The following TGS1 variants were observed in gnomAD, a reference collection of about 807,000 sequenced individuals.
TGS1 encodes trimethylguanosine synthase 1, also known as trimethylguanosine synthase.
A neutral mutation model predicts 92.2 loss-of-function variants in TGS1; 69 were observed. The observed-to-expected ratio is 0.75, with a 90% confidence interval of 0.62 to 0.91. The LOEUF is 0.91. Among genes scored for constraint, TGS1 ranks in the 40% least tolerant of loss-of-function variants. TGS1 has a pLI of 0.00. For missense variants in TGS1, 1,062 were observed against 1,001.2 expected (o/e 1.06, Z -0.82); for synonymous variants, 345 against 338.1 (o/e 1.02, Z -0.22).
At chr8:55,797,115 G>C (rs1251133995) in intron 7 of TGS1, among the ~76,000 whole-genome samples, 2 of 152,164 alleles carry the variant, frequency 1.3e-5, no homozygotes, top group African/African-American at 4.8e-5. Flanking sequence ...CCCAAGACTG[G>C]ATAATTTTTG....
In TGS1 at chr8:55,786,410, T is replaced by C; in HGVS notation, c.512T>C (p.Leu171Pro). Residue 171 changes from leucine (L) to proline (P), a missense_variant, in exon 4 of 13, where the codon CTT becomes CCT. By Grantham distance (98) the Leu-to-Pro change is moderately conservative (BLOSUM62 -3). Coordinates refer to ENST00000260129, the MANE Select transcript of TGS1 (RefSeq NM_024831.8). ...EQYENTRTYELQSKKDTETEN... is the reference protein window; with the variant it reads ...EQYENTRTYEPQSKKDTETEN... The stretch of plus-strand genomic sequence containing the variant: ...TATGAGAACACCAGAACATATGAAC[T>C]TCAAAGCAAAAAAGATACTGAGACA... 2 of 1,613,416 alleles carry C rather than the reference T, an allele frequency of 1.2e-6. No individual in the cohort carries two copies. Among genetic ancestry groups the C allele is most frequent in the Non-Finnish European group, 1.7e-6 (2 of 1,179,846 alleles).
chr8:55,806,068 T>A (rs1370388556), intron 10 of TGS1, among the ~76,000 whole-genome samples: 1 of 150,158 alleles, frequency 6.7e-6, no homozygotes, highest in African/African-American at 2.5e-5. Flanking sequence ...CTTAAAAAAA[T>A]TTGTAGGCCG....
chr8:55,786,300 A>T lies in TGS1; in HGVS notation c.402A>T (p.Leu134Phe). Residue 134 changes from leucine (L) to phenylalanine (F), a missense_variant, in exon 4 of 13, where the codon TTA becomes TTT. Coordinates refer to ENST00000260129, the MANE Select transcript of TGS1 (RefSeq NM_024831.8). ...AGAAAAAACATCAAAAGAAATACTT[A>T]GATGAAATTGTGCAAGAATCTTGGA... ...IKKKKHQKKY[L>F]DEIVQESWRK... is the part of the protein sequence containing the mutation. 1 of 1,571,580 alleles carries T rather than the reference A, an allele frequency of 6.4e-7. No individual in the cohort carries two copies. Among genetic ancestry groups the T allele is most frequent in the South Asian group, 1.2e-5 (1 of 84,668 alleles).
chr8:55,795,495 A>T (rs1264751066), intron 6 of TGS1, among the ~76,000 whole-genome samples: 2 of 152,210 alleles, frequency 1.3e-5, no homozygotes, highest in Non-Finnish European at 2.9e-5. Context: ...GGAAAATTTC[A>T]GATGGTTAAA....
At chr8:55,782,997 A>G (rs1224689483) in intron 2 of TGS1, among the ~76,000 whole-genome samples, 185 bp downstream of exon 2, 2 of 152,170 alleles carry the variant, frequency 1.3e-5, no homozygotes, top group African/African-American at 4.8e-5. Context: ...ATGAAAGCAG[A>G]TCTTTTATTT....
chr8:55,811,174 T>TGGGG, intron 11 of TGS1, 77 bp downstream of exon 11: 1 of 260,000 alleles, frequency 3.8e-6, no homozygotes. Flanking sequence ...AGAGAGGGAG[T>TGGGG]GTGGGTGGGT....
At chr8:55,793,907 C>T (rs1189466175) in intron 6 of TGS1, among the ~76,000 whole-genome samples, 2 of 151,756 alleles carry the variant, frequency 1.3e-5, no homozygotes, top group South Asian at 2.1e-4. Flanking sequence ...CGTGAGCCAC[C>T]GCGCCTCACC....
At position 55,773,664 on chromosome 8, in the gene TGS1, A is replaced by C; in HGVS notation, c.46A>C (p.Ile16Leu). The C allele has an allele frequency of 6.2e-7, 1 of 1,611,650 alleles. No homozygotes were observed. Among genetic ancestry groups the C allele is most frequent in the East Asian group, 2.2e-5 (1 of 44,576 alleles). ...CCGCGTGGCGGAAATGTTTCTCTTC[A>C]TTGAGGAGCGGGAGGATTGTAAGAT... ...WSRVAEMFLF[I>L]EEREDCKILC... is the part of the protein sequence containing the mutation. The change falls in exon 1 of 13, where the codon ATT (isoleucine) becomes CTT (leucine). Residue 16 changes from isoleucine to leucine, a missense_variant. Physicochemically the swap from Ile to Leu is conservative, Grantham distance 5. Coordinates refer to ENST00000260129, the MANE Select transcript of TGS1 (RefSeq NM_024831.8).
At chr8:55,781,615 G>A (rs1402931626) in intron 1 of TGS1, among the ~76,000 whole-genome samples, 10 of 152,104 alleles carry the variant, frequency 6.6e-5, no homozygotes, top group Admixed American at 4.6e-4. Flanking sequence ...CCCACCCCCA[G>A]TGCCCATGTT....
rs1334898575 is a variant in TGS1, at chr8:55,773,676, G to A, written c.58G>A (p.Glu20Lys). ...AATGTTTCTCTTCATTGAGGAGCGG[G>A]AGGATTGTAAGATACTGTGCCTTTG... Reference protein sequence around the residue: ...AEMFLFIEEREDCKILCLCSR... With the variant: ...AEMFLFIEERKDCKILCLCSR... The change falls in exon 1 of 13, where the codon GAG (glutamate) becomes AAG (lysine). Residue 20 changes from glutamate (E) to lysine (K), a missense_variant. Coordinates refer to ENST00000260129, the MANE Select transcript of TGS1 (RefSeq NM_024831.8). 1 of 1,611,428 alleles carries A rather than the reference G, an allele frequency of 6.2e-7. No homozygotes were observed. The highest frequency in any genetic ancestry group is 1.1e-5 in the South Asian group (1 of 90,404).
intron 10 of TGS1, among the ~76,000 whole-genome samples, chr8:55,806,409 A>G (rs1457921009): frequency 6.6e-6 from 1 of 151,226 alleles, no homozygotes; most frequent in Non-Finnish European, 1.5e-5. Context: ...TACCTTATCA[A>G]TAAATATAGT....
intron 12 of TGS1, among the ~76,000 whole-genome samples, chr8:55,822,848 A>G (rs1010259483): frequency 6.6e-5 from 10 of 152,166 alleles, no homozygotes; most frequent in Non-Finnish European, 1.3e-4. Flanking sequence ...TGCACAATAA[A>G]TCTTCCCTTC....
At chr8:55,777,501 A>G (rs1359577945) in intron 1 of TGS1, among the ~76,000 whole-genome samples, 2 of 151,500 alleles carry the variant, frequency 1.3e-5, no homozygotes, top group Non-Finnish European at 2.9e-5. Context: ...TCTTTGCTAT[A>G]TTTGAAGTTG....
chr8:55,814,670 A>ATATATAT (rs1461083210), intron 12 of TGS1, among the ~76,000 whole-genome samples: 6 of 129,776 alleles, frequency 4.6e-5, no homozygotes, highest in African/African-American at 2.0e-4. Context: ...AAAAAAAAAA[A>ATATATAT]AAAAATATAT....
At chr8:55,816,722 A>G (rs1202527603) in intron 12 of TGS1, among the ~76,000 whole-genome samples, 26 of 152,172 alleles carry the variant, frequency 1.7e-4, no homozygotes, top group Non-Finnish European at 7.3e-5. Flanking sequence ...GGCACATGTC[A>G]TGTAACATTT....
intron 5 of TGS1, among the ~76,000 whole-genome samples, chr8:55,791,848 T>C (rs67361921): frequency 0.11 from 17,362 of 152,220 alleles, 1,190 homozygotes; most frequent in Middle Eastern, 0.17. Flanking sequence ...TAGAGAATAA[T>C]GTAAGGTGGG....
intron 9 of TGS1, among the ~76,000 whole-genome samples, chr8:55,803,381 A>G (rs970156840): frequency 6.6e-6 from 1 of 152,146 alleles, no homozygotes; most frequent in Admixed American, 6.5e-5. Flanking sequence ...TCGTTTTCAT[A>G]TTGGGGTTAC....
At chr8:55,824,553 T>G in intron 12 of TGS1, 28 bp from the exon 13 acceptor site, 1 of 1,613,942 alleles carries the variant, frequency 6.2e-7, no homozygotes, top group Non-Finnish European at 8.5e-7. Flanking sequence ...TAGGTGTGTG[T>G]GTGACTTTCT....
At chr8:55,806,725 G>T (rs1007155141) in intron 10 of TGS1, among the ~76,000 whole-genome samples, 6 of 152,226 alleles carry the variant, frequency 3.9e-5, no homozygotes, top group Non-Finnish European at 7.4e-5. Context: ...GTGTTTCACA[G>T]ATAAACTGAG....
Sources: gnomAD v4.1 joint callset for allele counts (sites outside exome capture counted in the v4.1 genomes callset) on GRCh38, gnomAD v4.1.1 for gene constraint, MANE v1.5 for transcripts, NCBI Gene and HGNC (gene_info 2026-07-23, HGNC 2026-07-21) for gene names.